Variants in EPHA5 observed in about 807,000 individuals in gnomAD.
EPHA5 encodes the protein EPH receptor A5, also known as ephrin type-A receptor 5.
EPHA5 carries 60 observed loss-of-function variants against 105.0 expected under a neutral mutation model. That is an observed-to-expected ratio of 0.57 (90% CI 0.46 to 0.71). The LOEUF (loss-of-function observed/expected upper bound fraction) is 0.71, where lower values mean the gene tolerates loss of function less well. Ranked by LOEUF, EPHA5 falls within the 30% of genes least tolerant of loss-of-function variation. The probability of loss-of-function intolerance (pLI) is 0.00; values close to 1 mark genes in which losing one functional copy is unlikely to be tolerated. For missense variants in EPHA5, 1,218 were observed against 1,274.7 expected (o/e 0.96, Z 0.68); for synonymous variants, 513 against 449.1 (o/e 1.14, Z -1.80).
rs2149018220 is a variant in EPHA5, at chr4:65,414,271, T to G, written c.1687+13A>C. 6.2e-7 allele frequency: 1 copy of G among 1,612,924 alleles called. No individual in the cohort carries two copies. Among genetic ancestry groups the G allele is most frequent in the South Asian group, 1.1e-5 (1 of 91,052 alleles). ...TACTGAGACATGAGCTGACAGTAATTAAAATGACTTACACACTGGGGTGGT... is the reference window on the plus strand; with the variant it reads ...TACTGAGACATGAGCTGACAGTAATGAAAATGACTTACACACTGGGGTGGT... On this transcript the variant is annotated intron_variant, in intron 7 of 16. Coordinates refer to ENST00000613740, the MANE Select transcript of EPHA5 (RefSeq NM_001281766.3).
intron 2 of EPHA5, among the ~76,000 whole-genome samples, chr4:65,626,680 T>C (rs1030050683): frequency 5.3e-5 from 8 of 152,300 alleles, no homozygotes; most frequent in African/African-American, 1.9e-4. Flanking sequence ...CAAAGTTGTA[T>C]GTGGACGATC....
intron 5 of EPHA5, among the ~76,000 whole-genome samples, chr4:65,487,033 C>T (rs1730946654): frequency 6.6e-6 from 1 of 152,172 alleles, no homozygotes; most frequent in African/African-American, 2.4e-5. Context: ...TGTGAGATGC[C>T]TCACTCCTTC....
At chr4:65,618,298 A>G (rs73824356) in intron 2 of EPHA5, among the ~76,000 whole-genome samples, 1,700 of 152,320 alleles carry the variant, frequency 0.011, 34 homozygotes, top group African/African-American at 0.039. Context: ...TAATTCTTTG[A>G]TTATAATTAC....
At chr4:65,591,644 A>G (rs1742674471) in intron 3 of EPHA5, among the ~76,000 whole-genome samples, 1 of 152,006 alleles carries the variant, frequency 6.6e-6, no homozygotes, top group Non-Finnish European at 1.5e-5. Context: ...GTGATCAGAA[A>G]AGATGAAAAA....
chr4:65,379,034 C>T (rs1442393860), intron 8 of EPHA5, among the ~76,000 whole-genome samples: 1 of 151,642 alleles, frequency 6.6e-6, no homozygotes, highest in Non-Finnish European at 1.5e-5. Flanking sequence ...GATGTCATTT[C>T]CTAACAAAAC....
intron 15 of EPHA5, among the ~76,000 whole-genome samples, chr4:65,335,540 T>C (rs779596478): frequency 5.3e-5 from 8 of 152,074 alleles, no homozygotes; most frequent in Non-Finnish European, 1.2e-4. Context: ...GAGTAATTAT[T>C]GCTAGATATC....
chr4:65,658,923 T>C (rs144637212), intron 1 of EPHA5, among the ~76,000 whole-genome samples: 50 of 152,166 alleles, frequency 3.3e-4, no homozygotes, highest in Admixed American at 3.2e-3. Flanking sequence ...GGCTCTATTA[T>C]GAGATTCATG....
chr4:65,581,245 C>T (rs530191115), intron 3 of EPHA5, among the ~76,000 whole-genome samples: 1 of 151,874 alleles, frequency 6.6e-6, no homozygotes, highest in African/African-American at 2.4e-5. Flanking sequence ...TTAAGCATCT[C>T]TTTCAGATTT....
chr4:65,531,650 G>A (rs1410346287), intron 3 of EPHA5, among the ~76,000 whole-genome samples: 1 of 151,526 alleles, frequency 6.6e-6, no homozygotes, highest in Non-Finnish European at 1.5e-5. Context: ...GAATGACAAT[G>A]ATCCAGGAAT....
At chr4:65,574,761 C>A (rs1459453296) in intron 3 of EPHA5, among the ~76,000 whole-genome samples, 1 of 134,620 alleles carries the variant, frequency 7.4e-6, no homozygotes, top group Non-Finnish European at 1.5e-5. Flanking sequence ...TATATATACA[C>A]AGTAATTTTC....
chr4:65,495,637 T>C, intron 3 of EPHA5, 94 bp from the exon 4 acceptor site: 1 of 1,005,702 alleles, frequency 9.9e-7, no homozygotes, highest in Non-Finnish European at 1.4e-6. Flanking sequence ...TATATGCAGA[T>C]TACAGATAAC....
At chr4:65,409,814 A>T (rs1215913934) in intron 7 of EPHA5, among the ~76,000 whole-genome samples, 2 of 152,192 alleles carry the variant, frequency 1.3e-5, no homozygotes, top group Non-Finnish European at 2.9e-5. Context: ...AAAGATGTTG[A>T]ACGTAATTAG....
chr4:65,585,674 A>AGAT (rs1233181938), intron 3 of EPHA5, among the ~76,000 whole-genome samples: 6 of 151,870 alleles, frequency 4.0e-5, no homozygotes, highest in African/African-American at 1.2e-4. Flanking sequence ...AGATTATTGG[A>AGAT]GATTACAGTT....
At chr4:65,603,090 C>T (rs1743898500) in intron 2 of EPHA5, among the ~76,000 whole-genome samples, 1 of 151,916 alleles carries the variant, frequency 6.6e-6, no homozygotes, top group South Asian at 2.1e-4. Flanking sequence ...TCTTTCTTAC[C>T]AAGGCATTAT....
intron 5 of EPHA5, among the ~76,000 whole-genome samples, chr4:65,465,545 GGAAAGGAAGGAA>G (rs1728623763): frequency 8.4e-5 from 6 of 71,344 alleles, no homozygotes; most frequent in African/African-American, 2.9e-4. Context: ...AGGAAAGGAA[GGAAAGGAAGGAA>G]AGGAAGGAAA....
intron 5 of EPHA5, among the ~76,000 whole-genome samples, chr4:65,481,139 C>T (rs1447861176): frequency 4.6e-5 from 7 of 152,086 alleles, no homozygotes; most frequent in Admixed American, 2.6e-4. Flanking sequence ...CAACAAAGAT[C>T]GTCTGTGTCT....
intron 2 of EPHA5, among the ~76,000 whole-genome samples, chr4:65,636,563 G>C (rs1319613894): frequency 6.6e-6 from 1 of 151,562 alleles, no homozygotes; most frequent in Non-Finnish European, 1.5e-5. Flanking sequence ...GTCCCTTTGT[G>C]CATTGTCATT....
rs547921564 is a variant in EPHA5 at position 65,661,297 on chromosome 4, T to C, written c.181+8265A>G. 9.2e-5 allele frequency among the ~76,000 whole-genome samples: 14 copies of C among 152,210 alleles called. No homozygotes were observed. In the South Asian group the frequency reaches 2.7e-3, roughly 29 times the overall value. ...GTTGTTGTTGTTGATCTGTCTGTAC[T>C]TCCACTGTGACTAATTCTTTCCCTA... is the stretch of plus-strand genomic sequence containing the variant. On this transcript the variant is annotated intron_variant, in intron 1 of 16. Coordinates refer to ENST00000613740, the MANE Select transcript of EPHA5 (RefSeq NM_001281766.3).
intron 3 of EPHA5, among the ~76,000 whole-genome samples, chr4:65,505,882 G>C (rs1477785214): frequency 1.3e-5 from 2 of 151,942 alleles, no homozygotes; most frequent in Non-Finnish European, 2.9e-5. Flanking sequence ...TAAGTTTTAG[G>C]GTACATGTGC....
Sources: allele counts gnomAD v4.1 joint callset (sites outside exome capture counted in the v4.1 genomes callset), GRCh38; gene constraint gnomAD v4.1.1; transcripts MANE v1.5; gene names NCBI Gene and HGNC (gene_info 2026-07-23, HGNC 2026-07-21).